CTNNA3: variants seen among roughly 807,000 people sequenced by gnomAD.
The protein encoded by CTNNA3 is catenin alpha-3.
Under a neutral mutation model 95.7 loss-of-function variants are expected in CTNNA3, and 76 were observed. That is an observed-to-expected ratio of 0.79 (90% CI 0.66 to 0.96). The LOEUF (loss-of-function observed/expected upper bound fraction) is 0.96. Ranked by LOEUF, CTNNA3 falls within the 40% of genes least tolerant of loss-of-function variation. The pLI, the probability that CTNNA3 is intolerant of heterozygous loss-of-function variation, is 0.00. For missense variants in CTNNA3, 1,191 were observed against 1,089.8 expected, an observed-to-expected ratio of 1.09 and a Z score of -1.31; for synonymous variants, 431 against 374.4, an observed-to-expected ratio of 1.15 and a Z score of -1.74.
At chr10:67,268,737 A>G (rs2132411216) in intron 5 of CTNNA3, among the ~76,000 whole-genome samples, 1 of 152,314 alleles carries the variant, frequency 6.6e-6, no homozygotes, top group Non-Finnish European at 1.5e-5. Flanking sequence ...TTAAACCAGT[A>G]TTTTATTAAC....
At chr10:66,597,692 T>G (rs1843772420) in intron 10 of CTNNA3, among the ~76,000 whole-genome samples, 1 of 150,892 alleles carries the variant, frequency 6.6e-6, no homozygotes, top group African/African-American at 2.4e-5. Context: ...TGCAGAAAAC[T>G]TGCAGGCACA....
intron 5 of CTNNA3, among the ~76,000 whole-genome samples, chr10:67,338,391 TGAG>T (rs1842066706): frequency 6.6e-6 from 1 of 152,130 alleles, no homozygotes; most frequent in African/African-American, 2.4e-5. Flanking sequence ...AAGCCATTTA[TGAG>T]GGACCGAGGG....
At chr10:66,597,511 CATATATATATATATATATATATATAT>C (rs369390875) in intron 10 of CTNNA3, among the ~76,000 whole-genome samples, 39 of 70,980 alleles carry the variant, frequency 5.5e-4, no homozygotes, top group South Asian at 2.9e-3. Flanking sequence ...TTATTTCATA[CATATATATATATATATATATATATAT>C]ATATATATAT....
At chr10:67,665,926 GT>G (rs1235078595) in intron 1 of CTNNA3, among the ~76,000 whole-genome samples, 1 of 152,112 alleles carries the variant, frequency 6.6e-6, no homozygotes, top group Non-Finnish European at 1.5e-5. Flanking sequence ...TTGAGAATTT[GT>G]AAAAGTAGAA....
At chr10:67,658,401 T>G (rs1292121650) in intron 1 of CTNNA3, among the ~76,000 whole-genome samples, 1 of 152,210 alleles carries the variant, frequency 6.6e-6, no homozygotes, top group Non-Finnish European at 1.5e-5. Flanking sequence ...AATCTACTTG[T>G]CTACATTCAG....
chr10:66,913,063 C>A (rs1021570878), intron 7 of CTNNA3, among the ~76,000 whole-genome samples: 1 of 151,622 alleles, frequency 6.6e-6, no homozygotes, highest in Non-Finnish European at 1.5e-5. Context: ...CACGGTGAAA[C>A]CCCGTCTCTA....
chr10:67,441,454 CAAG>C (rs1432428535), intron 5 of CTNNA3, among the ~76,000 whole-genome samples: 1 of 151,966 alleles, frequency 6.6e-6, no homozygotes, highest in African/African-American at 2.4e-5. Flanking sequence ...CATTCAAATA[CAAG>C]AAGACTATAG....
intron 11 of CTNNA3, among the ~76,000 whole-genome samples, chr10:66,406,577 T>A (rs2093059216): frequency 6.6e-6 from 1 of 152,214 alleles, no homozygotes; most frequent in South Asian, 2.1e-4. Context: ...ATCCAAGGAA[T>A]TCTTCATATA....
intron 5 of CTNNA3, among the ~76,000 whole-genome samples, chr10:67,500,129 G>C (rs1839181952): frequency 1.3e-5 from 2 of 152,128 alleles, no homozygotes; most frequent in African/African-American, 2.4e-5. Flanking sequence ...CTTGTATGTT[G>C]TGTCTTTGTT....
intron 11 of CTNNA3, among the ~76,000 whole-genome samples, chr10:66,491,703 G>A (rs112412955): frequency 1.1e-4 from 17 of 152,160 alleles, no homozygotes; most frequent in African/African-American, 4.1e-4. Context: ...AATTAAAATA[G>A]GATTTCAAAA....
At chr10:67,633,716 A>C (rs146670944) in intron 2 of CTNNA3, among the ~76,000 whole-genome samples, 1 of 152,052 alleles carries the variant, frequency 6.6e-6, no homozygotes, top group Non-Finnish European at 1.5e-5. Flanking sequence ...CCCCATAAAA[A>C]CCCCATTAAA....
At chr10:66,533,257 T>G (rs903563343) in intron 10 of CTNNA3, among the ~76,000 whole-genome samples, 1 of 152,128 alleles carries the variant, frequency 6.6e-6, no homozygotes, top group Non-Finnish European at 1.5e-5. Context: ...TCTGTAGGGA[T>G]TTACCTCTTG....
chr10:67,648,439 TC>T (rs1293613509), intron 1 of CTNNA3, among the ~76,000 whole-genome samples: 1 of 152,212 alleles, frequency 6.6e-6, no homozygotes, highest in African/African-American at 2.4e-5. Context: ...TCTAGATAGT[TC>T]TCTTTCTCTT....
intron 5 of CTNNA3, among the ~76,000 whole-genome samples, chr10:67,419,722 C>T (rs769188769): frequency 7.2e-5 from 11 of 152,320 alleles, no homozygotes; most frequent in South Asian, 4.1e-4. Context: ...AACATACATG[C>T]CAATCTAGAT....
chr10:66,261,966 C>T (rs536697890), intron 13 of CTNNA3, among the ~76,000 whole-genome samples: 59 of 152,082 alleles, frequency 3.9e-4, no homozygotes, highest in Admixed American at 1.6e-3. Flanking sequence ...TTTGAGGTTC[C>T]TTCCCATCTT....
chr10:66,666,277 G>A lies in CTNNA3; in HGVS notation c.1282-44493C>T, dbSNP rs12762779. Among the ~76,000 whole-genome samples, 1,383 of 152,152 alleles carry A rather than the reference G, an allele frequency of 9.1e-3. 24 individuals carry two copies. The highest frequency in any genetic ancestry group is 0.032 in the African/African-American group (1,310 of 41,520). On this transcript the variant is annotated intron_variant, in intron 9 of 17. Transcript: ENST00000433211. ...CAATTCATTTGCTGCCTGGTATTAC[G>A]GAATTTCAGGAATGAAAGAGATGCT...
chr10:66,848,782 G>A (rs1256112266), intron 7 of CTNNA3, among the ~76,000 whole-genome samples: 12 of 152,134 alleles, frequency 7.9e-5, no homozygotes, highest in Admixed American at 1.3e-4. Flanking sequence ...AGATATTTTC[G>A]TGTGTCCTTG....
rs144585255 is a variant in CTNNA3 at position 67,363,770 on chromosome 10, C to G, written c.580-143900G>C. Among the ~76,000 whole-genome samples the G allele has an allele frequency of 3.3e-5, 5 of 152,194 alleles. No individual in the cohort carries two copies. In the East Asian group the frequency reaches 9.7e-4, roughly 29 times the overall value. On this transcript the variant is annotated intron_variant, in intron 5 of 17. Coordinates refer to ENST00000433211, the MANE Select transcript of CTNNA3 (RefSeq NM_013266.4). ...ACACATACACTCTCCCAAGACTAAA[C>G]CAGGAAGAAGTTGAATCTCTGACTA...
At chr10:66,775,304 G>A (rs1840248229) in intron 8 of CTNNA3, 140 bp downstream of exon 8, 4 of 563,454 alleles carry the variant, frequency 7.1e-6, no homozygotes, top group Admixed American at 3.4e-5. Context: ...ATATATAAAT[G>A]TGGAAAGTAT....
Sources: gnomAD v4.1 joint callset for allele counts (sites outside exome capture counted in the v4.1 genomes callset) on GRCh38, gnomAD v4.1.1 for gene constraint, MANE v1.5 for transcripts, NCBI Gene and HGNC (gene_info 2026-07-23, HGNC 2026-07-21) for gene names.